The following ARRDC4 variants were observed in gnomAD, a reference collection of about 807,000 sequenced individuals.
ARRDC4 encodes the protein arrestin domain-containing protein 4.
In ARRDC4, 40 loss-of-function variants were observed where a neutral mutation model predicts 44.6. The ratio of observed to expected loss-of-function variants is 0.90; its 90% CI spans 0.70 to 1.17. The LOEUF (loss-of-function observed/expected upper bound fraction) is 1.17, where lower values mean the gene tolerates loss of function less well. Among genes scored for constraint, ARRDC4 ranks in the 50% most tolerant of loss-of-function variants. The pLI is 0.00. For synonymous variants in ARRDC4, 211 were observed against 221.2 expected (o/e 0.95, Z 0.41); for missense variants, 550 against 559.1 (o/e 0.98, Z 0.16).
In ARRDC4 at chr15:97,960,843, G is replaced by C; in HGVS notation, c.-19G>C. 1 of 1,325,400 alleles carries C rather than the reference G, an allele frequency of 7.5e-7. No homozygotes were observed. Among genetic ancestry groups the C allele is most frequent in the Non-Finnish European group, 9.7e-7 (1 of 1,034,616 alleles). The allele number at this position is 1,325,400 out of a possible 1,614,324, so 82.1% of individuals were successfully genotyped here. A position where few individuals can be genotyped will look rare whatever the true frequency, so the allele number is the denominator to read the frequency against. ...GGGCCTCTGCCGACCTCAGGGGCAGGAAAGAGTCGCCCGGCGGGATGGGCG... is the reference window on the plus strand; with the variant it reads ...GGGCCTCTGCCGACCTCAGGGGCAGCAAAGAGTCGCCCGGCGGGATGGGCG... On this transcript the variant is annotated 5_prime_UTR_variant, in exon 1 of 8. Coordinates refer to ENST00000268042, the MANE Select transcript of ARRDC4 (RefSeq NM_183376.3).
intron 7 of ARRDC4, 39 bp from the exon 8 acceptor site, chr15:97,971,092 A>G: frequency 6.2e-7 from 1 of 1,603,142 alleles, no homozygotes; most frequent in Non-Finnish European, 8.5e-7. Flanking sequence ...GTTTTAAATA[A>G]TGCTACAACA....
At position 97,961,872 on chromosome 15, in the gene ARRDC4, G is replaced by A. The variant is rs79316428; in HGVS notation, c.307+704G>A. On this transcript the variant is annotated intron_variant, in intron 1 of 7. Transcript: ENST00000268042. ...AATGCCTTTAGAGACAAGAGCATCA[G>A]GGCGTGTCGGGATTTCCCTTCCTGC... is the stretch of plus-strand genomic sequence containing the variant. Among the ~76,000 whole-genome samples the A allele has an allele frequency of 6.5e-3, 984 of 152,258 alleles. 27 individuals are homozygous for A. The highest frequency in any genetic ancestry group is 0.049 in the Admixed American group (748 of 15,296).
At position 97,967,351 on chromosome 15, in the gene ARRDC4, C is replaced by T. The variant is rs1285758262; in HGVS notation, c.523-663C>T. Among the ~76,000 whole-genome samples, 1 of 152,032 alleles carries T rather than the reference C, an allele frequency of 6.6e-6. No individual in the cohort carries two copies. Among genetic ancestry groups the T allele is most frequent in the Non-Finnish European group, 1.5e-5 (1 of 68,022 alleles). On this transcript the variant is annotated intron_variant, in intron 3 of 7. Coordinates refer to ENST00000268042, the MANE Select transcript of ARRDC4 (RefSeq NM_183376.3). This position sits in a 1 kb window ranked among gnomAD's most constrained non-coding sequence, Gnocchi z 5.0. ...ACAGAAAGCTTTGGTGTGTGTAACT[C>T]GTAAACTGAACATTGTAAATCTTGT... is the stretch of plus-strand genomic sequence containing the variant.
At position 97,971,350 on chromosome 15, in the gene ARRDC4, G is replaced by A. The variant is rs909267702; in HGVS notation, c.*163G>A. 1.3e-5 allele frequency: 9 copies of A among 695,694 alleles called. No individual in the cohort carries two copies. Among genetic ancestry groups the A allele is most frequent in the Admixed American group, 2.8e-5 (1 of 36,152 alleles). The allele number at this position is 695,694 out of a possible 1,614,324, so 43.1% of individuals were successfully genotyped here. On this transcript the variant is annotated 3_prime_UTR_variant, in exon 8 of 8. Transcript: ENST00000268042. Reference sequence around the variant, plus strand: ...GAATGTGAGAAAGTTCTGGTGGGCCGGCAGGATTGCCGCACAAGTTTATAT... The same window carrying A: ...GAATGTGAGAAAGTTCTGGTGGGCCAGCAGGATTGCCGCACAAGTTTATAT...
At position 97,960,837 on chromosome 15, in the gene ARRDC4, G is replaced by A; in HGVS notation, c.-25G>A. ...GGCTCCGGGCCTCTGCCGACCTCAG[G>A]GGCAGGAAAGAGTCGCCCGGCGGGA... On this transcript the variant is annotated 5_prime_UTR_variant, in exon 1 of 8. Transcript: ENST00000268042. 2.3e-6 allele frequency: 3 copies of A among 1,308,868 alleles called. No homozygotes were observed. The highest frequency in any genetic ancestry group is 2.9e-6 in the Non-Finnish European group (3 of 1,027,086). 81.1% of individuals were successfully genotyped at this position (1,308,868 alleles called of 1,614,324 possible). A position where few individuals can be genotyped will look rare whatever the true frequency, so the allele number is the denominator to read the frequency against.
At chr15:97,963,645 A>G (rs868264906) in intron 1 of ARRDC4, among the ~76,000 whole-genome samples, 2 of 152,086 alleles carry the variant, frequency 1.3e-5, no homozygotes, top group African/African-American at 2.4e-5. Context: ...CCATGTTCCT[A>G]TGTGGGTGCT....
rs529599864 is a variant in ARRDC4 at position 97,970,450 on chromosome 15, C to T, written c.1046-139C>T. On this transcript the variant is annotated intron_variant, in intron 6 of 7. Transcript: ENST00000268042. This position sits in a 1 kb window ranked among gnomAD's most constrained non-coding sequence, Gnocchi z 4.2. ...AGAATCTATTTTTTATTGTAATATG[C>T]ATAAAACCTTGCTGATTAGAGGGAA... 448 of 802,528 alleles carry T rather than the reference C, an allele frequency of 5.6e-4. No homozygotes were observed. The highest frequency in any genetic ancestry group is 8.1e-4 in the Non-Finnish European group (420 of 521,402). The allele number at this position is 802,528 out of a possible 1,614,324, so 49.7% of individuals were successfully genotyped here.
At position 97,973,723 on chromosome 15, in the gene ARRDC4, T is replaced by C. The variant is rs890904889; in HGVS notation, c.*2536T>C. 3 of 152,594 alleles carry C rather than the reference T, an allele frequency of 2.0e-5. No individual in the cohort carries two copies. The highest frequency in any genetic ancestry group is 4.4e-5 in the Non-Finnish European group (3 of 68,020). 9.5% of individuals were successfully genotyped at this position (152,594 alleles called of 1,614,324 possible). ...TTTGGTAAGTTAACTATGAAAGCTTTCTTATTTTTATTATTAAAAATGTAA... is the reference window on the plus strand; with the variant it reads ...TTTGGTAAGTTAACTATGAAAGCTTCCTTATTTTTATTATTAAAAATGTAA... On this transcript the variant is annotated 3_prime_UTR_variant, in exon 8 of 8. Transcript: ENST00000268042.
Position 97,966,163 on chromosome 15 carries a change from G to A in ARRDC4, c.522+121G>A. ...GTAGTCTGTCCTGTCACTTTCTGAT[G>A]GCTTGGAAAACACAATCTTGTAACC... is the stretch of plus-strand genomic sequence containing the variant. On this transcript the variant is annotated intron_variant, in intron 3 of 7. Transcript: ENST00000268042. The surrounding 1 kb of genome is among the most constrained non-coding windows in gnomAD (Gnocchi z 4.7). 4 of 1,172,504 alleles carry A rather than the reference G, an allele frequency of 3.4e-6. No individual in the cohort carries two copies. Among genetic ancestry groups the A allele is most frequent in the Middle Eastern group, 2.0e-4 (1 of 5,014 alleles). The allele number at this position is 1,172,504 out of a possible 1,614,324, so 72.6% of individuals were successfully genotyped here.
intron 1 of ARRDC4, among the ~76,000 whole-genome samples, chr15:97,964,997 T>C (rs72754658): frequency 0.4 from 60,007 of 150,682 alleles, 14,252 homozygotes; most frequent in South Asian, 0.65. Context: ...GATTTTTACA[T>C]ACACACACAC....
In ARRDC4 at chr15:97,969,201, C is replaced by G. The variant is rs61747226; in HGVS notation, c.704C>G (p.Thr235Arg). The G allele has an allele frequency of 6.2e-7, 1 of 1,613,812 alleles. No individual in the cohort carries two copies. The highest frequency in any genetic ancestry group is 1.1e-5 in the South Asian group (1 of 91,064). ...GTTCCAAAGGCTGCTATTTTCCAAACGCAGACATATTTGGCTAGTGGAAAA... is the reference window on the plus strand; with the variant it reads ...GTTCCAAAGGCTGCTATTTTCCAAAGGCAGACATATTTGGCTAGTGGAAAA... ...LIVPKAAIFQ[T>R]QTYLASGKTK... Residue 235 changes from threonine to arginine, a missense_variant, in exon 5 of 8, where the codon ACG becomes AGG. By Grantham distance (71) the Thr-to-Arg change is moderately conservative. Transcript: ENST00000268042.
chr15:97,966,149 T>G lies in ARRDC4; in HGVS notation c.522+107T>G, dbSNP rs1899417026. Reference sequence around the variant, plus strand: ...TAGCCAGTTTACTGGTAGTCTGTCCTGTCACTTTCTGATGGCTTGGAAAAC... The same window carrying G: ...TAGCCAGTTTACTGGTAGTCTGTCCGGTCACTTTCTGATGGCTTGGAAAAC... On this transcript the variant is annotated intron_variant, in intron 3 of 7. Coordinates refer to ENST00000268042, the MANE Select transcript of ARRDC4 (RefSeq NM_183376.3). This position sits in a 1 kb window ranked among gnomAD's most constrained non-coding sequence, Gnocchi z 4.7. 1 of 1,261,398 alleles carries G rather than the reference T, an allele frequency of 7.9e-7. No homozygotes were observed. The highest frequency in any genetic ancestry group is 1.1e-6 in the Non-Finnish European group (1 of 913,742). The allele number at this position is 1,261,398 out of a possible 1,614,324, so 78.1% of individuals were successfully genotyped here. A position where few individuals can be genotyped will look rare whatever the true frequency, so the allele number is the denominator to read the frequency against.
In ARRDC4 at chr15:97,966,790, C is replaced by A. The variant is rs898359900; in HGVS notation, c.522+748C>A. ...TAGCTACTAGGACCTAATGGTTCTTCATTTAAATATGAATGAATGATTTTT... is the reference window on the plus strand; with the variant it reads ...TAGCTACTAGGACCTAATGGTTCTTAATTTAAATATGAATGAATGATTTTT... On this transcript the variant is annotated intron_variant, in intron 3 of 7. Transcript: ENST00000268042. The surrounding 1 kb of genome is among the most constrained non-coding windows in gnomAD (Gnocchi z 4.7). 6.6e-6 allele frequency among the ~76,000 whole-genome samples: 1 copy of A among 152,124 alleles called. No individual in the cohort carries two copies. The highest frequency in any genetic ancestry group is 1.5e-5 in the Non-Finnish European group (1 of 68,020).
rs1355381690 is a variant in ARRDC4, at chr15:97,960,710, C to T, written c.-152C>T. The T allele has an allele frequency of 5.2e-5, 33 of 635,012 alleles. No individual in the cohort carries two copies. Among genetic ancestry groups the T allele is most frequent in the South Asian group, 7.2e-5 (1 of 13,954 alleles). 39.3% of individuals were successfully genotyped at this position (635,012 alleles called of 1,614,324 possible). A position where few individuals can be genotyped will look rare whatever the true frequency, so the allele number is the denominator to read the frequency against. On this transcript the variant is annotated 5_prime_UTR_variant, in exon 1 of 8. Transcript: ENST00000268042. ...AACTGGGTTTGTTAAAGCGACAGGC[C>T]TCTCGGCGAGCCGGTGCCCCATCGG... is the stretch of plus-strand genomic sequence containing the variant.
At position 97,965,931 on chromosome 15, in the gene ARRDC4, C is replaced by A. The variant is rs913319980; in HGVS notation, c.411C>A (p.Ser137Arg). 1.2e-6 allele frequency: 2 copies of A among 1,614,056 alleles called. No individual in the cohort carries two copies. Among genetic ancestry groups the A allele is most frequent in the African/African-American group, 2.7e-5 (2 of 75,022 alleles). ...LVTSFTGKYGSIQYCVRAVLE... is the reference protein window; with the variant it reads ...LVTSFTGKYGRIQYCVRAVLE... ...CCTCGTTTACTGGGAAATATGGAAG[C>A]ATTCAGTACTGTGTGCGGGCAGTGT... is the stretch of plus-strand genomic sequence containing the variant. Residue 137 changes from serine to arginine, a missense_variant, in exon 3 of 8, where the codon AGC becomes AGA. Transcript: ENST00000268042. This position sits in a 1 kb window ranked among gnomAD's most constrained non-coding sequence, Gnocchi z 5.1.
In ARRDC4 at chr15:97,973,674, GAAAC is replaced by G. The variant is rs1284159774; in HGVS notation, c.*2490_*2493del. 1 of 152,486 alleles carries G rather than the reference GAAAC, an allele frequency of 6.6e-6. No homozygotes were observed. Among genetic ancestry groups the G allele is most frequent in the Non-Finnish European group, 1.5e-5 (1 of 67,984 alleles). 9.4% of individuals were successfully genotyped at this position (152,486 alleles called of 1,614,324 possible). A position where few individuals can be genotyped will look rare whatever the true frequency, so the allele number is the denominator to read the frequency against. ...ACTTTGTTTTTGTTTTGCACAGTAA[GAAAC>G]AATAGGCAAGCGTTATGTTTTTGGT... On this transcript the variant is annotated 3_prime_UTR_variant, in exon 8 of 8. Transcript: ENST00000268042.
rs1899397086 is a variant in ARRDC4 at position 97,965,368 on chromosome 15, A to G, written c.308-232A>G. Among the ~76,000 whole-genome samples, 1 of 152,048 alleles carries G rather than the reference A, an allele frequency of 6.6e-6. No homozygotes were observed. Among genetic ancestry groups the G allele is most frequent in the Admixed American group, 6.5e-5 (1 of 15,278 alleles). On this transcript the variant is annotated intron_variant, in intron 1 of 7. Coordinates refer to ENST00000268042, the MANE Select transcript of ARRDC4 (RefSeq NM_183376.3). The surrounding 1 kb of genome is among the most constrained non-coding windows in gnomAD (Gnocchi z 5.1). ...AAGATTGCTTGAGCCCAGGAGTTCAAGGCCGTAGCACTCTGGCCTGGGCAA... is the reference window on the plus strand; with the variant it reads ...AAGATTGCTTGAGCCCAGGAGTTCAGGGCCGTAGCACTCTGGCCTGGGCAA...
rs547865470 is a variant in ARRDC4 at position 97,970,467 on chromosome 15, T to G, written c.1046-122T>G. 9.8e-7 allele frequency: 1 copy of G among 1,017,504 alleles called. No individual in the cohort carries two copies. Among genetic ancestry groups the G allele is most frequent in the East Asian group, 2.6e-5 (1 of 38,540 alleles). 63.0% of individuals were successfully genotyped at this position (1,017,504 alleles called of 1,614,324 possible). On this transcript the variant is annotated intron_variant, in intron 6 of 7. Transcript: ENST00000268042. This position sits in a 1 kb window ranked among gnomAD's most constrained non-coding sequence, Gnocchi z 4.2. ...GTAATATGCATAAAACCTTGCTGAT[T>G]AGAGGGAAAGAATGCCATATTTTTT... is the stretch of plus-strand genomic sequence containing the variant.
intron 1 of ARRDC4, among the ~76,000 whole-genome samples, chr15:97,961,580 C>A (rs773782510): frequency 1.3e-5 from 2 of 152,308 alleles, no homozygotes; most frequent in African/African-American, 4.8e-5. Flanking sequence ...TCCTCCCTAT[C>A]CTGCATACGT....
Sources: gnomAD v4.1 joint callset for allele counts (sites outside exome capture counted in the v4.1 genomes callset) on GRCh38, gnomAD v4.1.1 for gene constraint, Gnocchi (gnomAD v3.1) non-coding constraint, MANE v1.5 for transcripts, NCBI Gene and HGNC (gene_info 2026-07-23, HGNC 2026-07-21) for gene names.